Variants in BRSK2 observed in about 807,000 individuals in gnomAD.
The protein encoded by BRSK2 is serine/threonine-protein kinase BRSK2.
A neutral mutation model predicts 83.3 loss-of-function variants in BRSK2; 19 were observed. That is an observed-to-expected ratio of 0.23 (90% CI 0.16 to 0.33). The LOEUF is 0.33. BRSK2 is among the 10% of genes least tolerant of loss of function. The probability of loss-of-function intolerance (pLI) is 1.00; values close to 1 mark genes in which losing one functional copy is unlikely to be tolerated. For synonymous variants in BRSK2, 519 were observed against 435.4 expected (o/e 1.19, Z -2.39); for missense variants, 798 against 1,042.3 (o/e 0.77, Z 3.23).
At position 1,454,175 on chromosome 11, in the gene BRSK2, G is replaced by GGGGGCTCACCTGTGGA. The variant is rs1554914733; in HGVS notation, c.1545-304_1545-289dup. 28 of 256,410 alleles carry GGGGGCTCACCTGTGGA rather than the reference G, an allele frequency of 1.1e-4. No homozygotes were observed. Among genetic ancestry groups the GGGGGCTCACCTGTGGA allele is most frequent in the South Asian group, 4.8e-4 (9 of 18,742 alleles). The allele number at this position is 256,410 out of a possible 1,614,324, so 15.9% of individuals were successfully genotyped here. A position where few individuals can be genotyped will look rare whatever the true frequency, so the allele number is the denominator to read the frequency against. ...CTTGGTGAGGGGGGGCTCACCTGTG[G>GGGGGCTCACCTGTGGA]GGGGCTCACCTGTGGAGGGGCATCC... is the stretch of plus-strand genomic sequence containing the variant. On this transcript the variant is annotated intron_variant, in intron 15 of 19. Coordinates refer to ENST00000528841, the MANE Select transcript of BRSK2 (RefSeq NM_001256627.2). This position sits in a 1 kb window ranked among gnomAD's most constrained non-coding sequence, Gnocchi z 5.2.
At position 1,454,313 on chromosome 11, in the gene BRSK2, A is replaced by G. The variant is rs1846206056; in HGVS notation, c.1545-172A>G. ...CGGTGATGGTCAGGGCATATGGGCT[A>G]GGGTTAGGGCGTTGGGGTCAGGGCC... On this transcript the variant is annotated intron_variant, in intron 15 of 19. Coordinates refer to ENST00000528841, the MANE Select transcript of BRSK2 (RefSeq NM_001256627.2). This position sits in a 1 kb window ranked among gnomAD's most constrained non-coding sequence, Gnocchi z 5.2. 7.0e-6 allele frequency: 5 copies of G among 715,914 alleles called. No homozygotes were observed. Among genetic ancestry groups the G allele is most frequent in the East Asian group, 2.6e-5 (1 of 38,000 alleles). The allele number at this position is 715,914 out of a possible 1,614,324, so 44.3% of individuals were successfully genotyped here. A position where few individuals can be genotyped will look rare whatever the true frequency, so the allele number is the denominator to read the frequency against.
intron 1 of BRSK2, among the ~76,000 whole-genome samples, chr11:1,403,298 G>A (rs539916250): frequency 3.9e-5 from 6 of 152,312 alleles, no homozygotes; most frequent in South Asian, 2.1e-4. Flanking sequence ...GCTGCTGTGC[G>A]TGGCAGAGCA....
In BRSK2 at chr11:1,455,635, G is replaced by A. The variant is rs115606929; in HGVS notation, c.1669-713G>A. On this transcript the variant is annotated intron_variant, in intron 16 of 19. Coordinates refer to ENST00000528841, the MANE Select transcript of BRSK2 (RefSeq NM_001256627.2). ...GACTGCACTTGGACCCTGGCCTCAG[G>A]GGTCCTCAGCGTCCCCGTCCCCGTC... Among the ~76,000 whole-genome samples, 915 of 152,104 alleles carry A rather than the reference G, an allele frequency of 6.0e-3. 15 individuals carry two copies. Among genetic ancestry groups the A allele is most frequent in the African/African-American group, 0.021 (864 of 41,492 alleles).
At chr11:1,402,424 A>G (rs891510275) in intron 1 of BRSK2, among the ~76,000 whole-genome samples, 5 of 152,194 alleles carry the variant, frequency 3.3e-5, no homozygotes, top group African/African-American at 4.8e-5. Context: ...CCGCAAACTC[A>G]GCTCCAAGCT....
rs116913822 is a variant in BRSK2 at position 1,423,171 on chromosome 11, T to G, written c.92-12869T>G. Reference sequence around the variant, plus strand: ...GGGCCTCCCCCAGAGCGGTGCCTCGTGGGGGATGCGGTGCCTCGTGGGGGA... The same window carrying G: ...GGGCCTCCCCCAGAGCGGTGCCTCGGGGGGGATGCGGTGCCTCGTGGGGGA... On this transcript the variant is annotated intron_variant, in intron 1 of 19. Transcript: ENST00000528841. This position sits in a 1 kb window ranked among gnomAD's most constrained non-coding sequence, Gnocchi z 6.5. 0.017 allele frequency among the ~76,000 whole-genome samples: 2,613 copies of G among 151,816 alleles called. 34 individuals carry two copies. Among genetic ancestry groups the G allele is most frequent in the Middle Eastern group, 0.041 (12 of 294 alleles).
At chr11:1,429,529 C>CT (rs1399537915) in intron 1 of BRSK2, among the ~76,000 whole-genome samples, 44 of 121,624 alleles carry the variant, frequency 3.6e-4, no homozygotes, top group African/African-American at 1.3e-3. Context: ...TCCTGCTGTG[C>CT]CCAGCAGTGA....
intron 1 of BRSK2, chr11:1,409,331 G>T (rs1847171075): frequency 6.6e-6 from 1 of 152,264 alleles, no homozygotes; most frequent in Admixed American, 6.5e-5. Context: ...TGGGAGTGGA[G>T]CTCCTTCGCA....
In BRSK2 at chr11:1,423,194, G is replaced by A. The variant is rs1302436717; in HGVS notation, c.92-12846G>A. Among the ~76,000 whole-genome samples the A allele has an allele frequency of 6.6e-6, 1 of 152,158 alleles. No individual in the cohort carries two copies. Among genetic ancestry groups the A allele is most frequent in the Non-Finnish European group, 1.5e-5 (1 of 68,028 alleles). On this transcript the variant is annotated intron_variant, in intron 1 of 19. Coordinates refer to ENST00000528841, the MANE Select transcript of BRSK2 (RefSeq NM_001256627.2). This position sits in a 1 kb window ranked among gnomAD's most constrained non-coding sequence, Gnocchi z 6.5. ...CGTGGGGGATGCGGTGCCTCGTGGGGGACATGGTGCCTTGTGGGGTACGTG... is the reference window on the plus strand; with the variant it reads ...CGTGGGGGATGCGGTGCCTCGTGGGAGACATGGTGCCTTGTGGGGTACGTG...
rs960694968 is a variant in BRSK2 at position 1,461,347 on chromosome 11, CTGGCTGCGCCGCCTCCG to C, written c.*627_*643del. 5.8e-6 allele frequency: 2 copies of C among 345,678 alleles called. No homozygotes were observed. Among genetic ancestry groups the C allele is most frequent in the Admixed American group, 1.0e-4 (2 of 19,288 alleles). 21.4% of individuals were successfully genotyped at this position (345,678 alleles called of 1,614,324 possible). A position where few individuals can be genotyped will look rare whatever the true frequency, so the allele number is the denominator to read the frequency against. ...CCTCGCAGGCCCGTGCCCCGCCTCCCTGGCTGCGCCGCCTCCGTGTAGTCTTGGCCTCCTCAGGCTGC... is the reference window on the plus strand; with the variant it reads ...CCTCGCAGGCCCGTGCCCCGCCTCCCTGTAGTCTTGGCCTCCTCAGGCTGC... On this transcript the variant is annotated 3_prime_UTR_variant, in exon 20 of 20. Coordinates refer to ENST00000528841, the MANE Select transcript of BRSK2 (RefSeq NM_001256627.2).
rs558682545 is a variant in BRSK2 at position 1,454,289 on chromosome 11, G to A, written c.1545-196G>A. On this transcript the variant is annotated intron_variant, in intron 15 of 19. Coordinates refer to ENST00000528841, the MANE Select transcript of BRSK2 (RefSeq NM_001256627.2). The surrounding 1 kb of genome is among the most constrained non-coding windows in gnomAD (Gnocchi z 5.2). The stretch of plus-strand genomic sequence containing the variant: ...GGGTTGGGGTTGGGGTTAGAGCCAC[G>A]GTGATGGTCAGGGCATATGGGCTAG... 240 of 603,124 alleles carry A rather than the reference G, an allele frequency of 4.0e-4. 1 individual carries two copies. The highest frequency in any genetic ancestry group is 3.6e-3 in the South Asian group (190 of 52,838). 37.4% of individuals were successfully genotyped at this position (603,124 alleles called of 1,614,324 possible). A position where few individuals can be genotyped will look rare whatever the true frequency, so the allele number is the denominator to read the frequency against.
rs1564790113 is a variant in BRSK2, at chr11:1,395,623, C to T, written c.91+5248C>T. On this transcript the variant is annotated intron_variant, in intron 1 of 19. Transcript: ENST00000528841. The stretch of plus-strand genomic sequence containing the variant: ...TCCCCACCCACTGTGGCCCTGGGCA[C>T]CTCAGGTGTGTGTGTCCCTGTTGAC... Among the ~76,000 whole-genome samples the T allele has an allele frequency of 7.2e-5, 11 of 152,320 alleles. No homozygotes were observed. In the South Asian group the frequency reaches 2.3e-3, roughly 32 times the overall value.
chr11:1,410,455 G>A lies in BRSK2; in HGVS notation c.91+20080G>A, dbSNP rs184581973. ...TGCAGAGTCCGTGTTTGGGGGCGCC[G>A]TGAAAGCACCCAGCGTAGTCATGCT... On this transcript the variant is annotated intron_variant, in intron 1 of 19. Coordinates refer to ENST00000528841, the MANE Select transcript of BRSK2 (RefSeq NM_001256627.2). The A allele has an allele frequency of 2.0e-4, 200 of 985,550 alleles. No homozygotes were observed. In the African/African-American group the frequency reaches 3.1e-3, roughly 15 times the overall value. The allele number at this position is 985,550 out of a possible 1,614,324, so 61.1% of individuals were successfully genotyped here.
intron 1 of BRSK2, among the ~76,000 whole-genome samples, chr11:1,409,111 C>T (rs1847145350): frequency 6.6e-6 from 1 of 152,068 alleles, no homozygotes; most frequent in Non-Finnish European, 1.5e-5. Context: ...TCTGTGTGTG[C>T]CGTCTGACCC....
chr11:1,447,701 G>T, intron 12 of BRSK2: 2 of 1,131,148 alleles, frequency 1.8e-6, no homozygotes, highest in African/African-American at 1.5e-5. Context: ...TCAGAGCCAC[G>T]TGGAGTTCTT....
chr11:1,445,454 G>C lies in BRSK2; in HGVS notation c.973G>C (p.Glu325Gln). The C allele has an allele frequency of 1.2e-6, 2 of 1,611,576 alleles. No homozygotes were observed. The highest frequency in any genetic ancestry group is 1.7e-6 in the Non-Finnish European group (2 of 1,179,566). ...CAAGCTGCTGCAGGACCTGCTGTCC[G>C]AGGAGTGCGTCTGGGGCTGCTCCCG... ...RNKLLQDLLS[E>Q]EENQEKMIYF... The change falls in exon 10 of 20, where the codon GAG becomes CAG. Residue 325 changes from glutamate to glutamine, a missense_variant. Around this residue, in one of 6 missense-constraint regions of BRSK2, gnomAD observed 145 missense variants for 225.4 expected, o/e 0.64. Transcript: ENST00000528841.
At chr11:1,413,258 G>A (rs1398352784) in intron 1 of BRSK2, among the ~76,000 whole-genome samples, 2 of 152,216 alleles carry the variant, frequency 1.3e-5, no homozygotes, top group South Asian at 2.1e-4. Flanking sequence ...CAGGTGTGGT[G>A]TGCCCTGACC....
chr11:1,443,473 AC>A lies in BRSK2; in HGVS notation c.634-13del. On this transcript the variant is annotated splice_polypyrimidine_tract_variant and intron_variant, in intron 7 of 19. Coordinates refer to ENST00000528841, the MANE Select transcript of BRSK2 (RefSeq NM_001256627.2). ...CCTGCCCCCCCACGCTGACCCCCACACCCGGCCGCCCGCAGGGGGCTCTGCC... is the reference window on the plus strand; with the variant it reads ...CCTGCCCCCCCACGCTGACCCCCACACCGGCCGCCCGCAGGGGGCTCTGCC... 1.3e-6 allele frequency: 2 copies of A among 1,575,058 alleles called. No homozygotes were observed. Among genetic ancestry groups the A allele is most frequent in the East Asian group, 2.3e-5 (1 of 42,964 alleles).
chr11:1,410,591 A>C lies in BRSK2; in HGVS notation c.91+20216A>C, dbSNP rs140580861. 5.9e-3 allele frequency: 5,816 copies of C among 985,130 alleles called. 23 individuals carry two copies. Among genetic ancestry groups the C allele is most frequent in the Non-Finnish European group, 6.5e-3 (5,434 of 829,860 alleles). The allele number at this position is 985,130 out of a possible 1,614,324, so 61.0% of individuals were successfully genotyped here. A position where few individuals can be genotyped will look rare whatever the true frequency, so the allele number is the denominator to read the frequency against. On this transcript the variant is annotated intron_variant, in intron 1 of 19. Coordinates refer to ENST00000528841, the MANE Select transcript of BRSK2 (RefSeq NM_001256627.2). The stretch of plus-strand genomic sequence containing the variant: ...CAGGCTCTCTGGTCCCCGGGAGTGG[A>C]CTCGGGGGCTCCGAGTGCAGGGCTC...
intron 1 of BRSK2, among the ~76,000 whole-genome samples, chr11:1,402,107 C>G (rs1035553464): frequency 6.6e-6 from 1 of 152,188 alleles, no homozygotes; most frequent in African/African-American, 2.4e-5. Context: ...CAGGGCCCCG[C>G]AGAGCTGAGG....
Sources: gnomAD v4.1 joint callset for allele counts (sites outside exome capture counted in the v4.1 genomes callset) on GRCh38, gnomAD v4.1.1 for gene constraint, gnomAD v4.1.1 regional missense constraint, Gnocchi (gnomAD v3.1) non-coding constraint, MANE v1.5 for transcripts, NCBI Gene and HGNC (gene_info 2026-07-23, HGNC 2026-07-21) for gene names.